The following CCNF variants were observed in gnomAD, a reference collection of about 807,000 sequenced individuals.
CCNF encodes cyclin F.
A neutral mutation model predicts 85.4 loss-of-function variants in CCNF; 30 were observed. The ratio of observed to expected loss-of-function variants is 0.35; its 90% CI spans 0.26 to 0.48. CCNF has a LOEUF of 0.48. Ranked by LOEUF, CCNF falls within the 20% of genes least tolerant of loss-of-function variation. The pLI, the probability that CCNF is intolerant of heterozygous loss-of-function variation, is 0.99. For missense variants in CCNF, 919 were observed against 1,010.4 expected (o/e 0.91, Z 1.23); for synonymous variants, 439 against 425.1 (o/e 1.03, Z -0.40).
chr16:2,453,219 T>TGAC lies in CCNF; in HGVS notation c.1499_1501dup (p.Asp500dup), dbSNP rs1185169837. The TGAC allele has an allele frequency of 1.9e-6, 3 of 1,613,708 alleles. No homozygotes were observed. The highest frequency in any genetic ancestry group is 3.3e-5 in the Admixed American group (2 of 60,016). Reference sequence around the variant, plus strand: ...GTGACTCTGTTTCCAGCTTCCATGATGACGCCCCCAAGGACTACAGGCAAG... The same window carrying TGAC: ...GTGACTCTGTTTCCAGCTTCCATGATGACGACGCCCCCAAGGACTACAGGCAAG... On this transcript the variant is annotated inframe_insertion, in exon 14 of 17. Transcript: ENST00000397066. The surrounding 1 kb of genome is among the most constrained non-coding windows in gnomAD (Gnocchi z 5.6).
At chr16:2,432,841 A>G (rs1012083652) in intron 2 of CCNF, 120 bp from the exon 3 acceptor site, 4 of 582,068 alleles carry the variant, frequency 6.9e-6, no homozygotes, top group Non-Finnish European at 1.2e-5. Flanking sequence ...GACCTCAACT[A>G]CTTGGGATGG....
At chr16:2,449,159 G>T in intron 11 of CCNF, 123 bp from the exon 12 acceptor site, 1 of 1,439,272 alleles carries the variant, frequency 6.9e-7, no homozygotes, top group Non-Finnish European at 9.8e-7. Flanking sequence ...CTGCGCTGGT[G>T]CGCTACGCGT....
intron 3 of CCNF, 152 bp downstream of exon 3, chr16:2,433,219 G>C: frequency 1.7e-6 from 1 of 584,050 alleles, no homozygotes; most frequent in Non-Finnish European, 3.1e-6. Flanking sequence ...GAGGGTGGCA[G>C]ACCTCACGCA....
At position 2,456,650 on chromosome 16, in the gene CCNF, G is replaced by T; in HGVS notation, c.1991G>T (p.Gly664Val). The T allele has an allele frequency of 1.2e-6, 2 of 1,613,148 alleles. No homozygotes were observed. The highest frequency in any genetic ancestry group is 3.3e-5 in the Admixed American group (2 of 59,934). The change falls in exon 17 of 17, where the codon GGA (glycine) becomes GTA (valine). Residue 664 changes from glycine to valine, a missense_variant. This residue lies in a region of CCNF where 505 missense variants were observed against 514.8 expected (regional missense o/e 0.98). Coordinates refer to ENST00000397066, the MANE Select transcript of CCNF (RefSeq NM_001761.3). The surrounding 1 kb of genome is among the most constrained non-coding windows in gnomAD (Gnocchi z 4.5). ...SDEEACPEDK[G>V]PQDPQALALD... Reference sequence around the variant, plus strand: ...GAGGAGGCTTGTCCAGAGGACAAGGGACCCCAGGACCCACAGGCACTGGCG... The same window carrying T: ...GAGGAGGCTTGTCCAGAGGACAAGGTACCCCAGGACCCACAGGCACTGGCG...
At chr16:2,441,963 A>G in intron 8 of CCNF, among the ~76,000 whole-genome samples, 2 of 127,550 alleles carry the variant, frequency 1.6e-5, no homozygotes, top group African/African-American at 6.1e-5. Context: ...ATATATATAT[A>G]TATATATATA....
rs2065433616 is a variant in CCNF at position 2,457,074 on chromosome 16, G to T, written c.*54G>T. The T allele has an allele frequency of 3.7e-6, 5 of 1,336,858 alleles. No homozygotes were observed. The highest frequency in any genetic ancestry group is 5.1e-6 in the Non-Finnish European group (5 of 971,142). The allele number at this position is 1,336,858 out of a possible 1,614,324, so 82.8% of individuals were successfully genotyped here. A position where few individuals can be genotyped will look rare whatever the true frequency, so the allele number is the denominator to read the frequency against. ...GTGTACTGAGGGGGCTGGAGGCGAA[G>T]GGTGGGAGCATAGCATAGGAACGCT... On this transcript the variant is annotated 3_prime_UTR_variant, in exon 17 of 17. Coordinates refer to ENST00000397066, the MANE Select transcript of CCNF (RefSeq NM_001761.3).
intron 15 of CCNF, among the ~76,000 whole-genome samples, chr16:2,454,606 G>T (rs977103492): frequency 6.6e-6 from 1 of 152,242 alleles, no homozygotes; most frequent in Admixed American, 6.5e-5. Context: ...CTCAGCTGGT[G>T]TGGCGGCTTT....
chr16:2,438,249 A>C, intron 6 of CCNF, 126 bp downstream of exon 6: 2 of 785,590 alleles, frequency 2.5e-6, no homozygotes, highest in Non-Finnish European at 4.5e-6. Context: ...TTGCCCAGAA[A>C]GGCCTAGCTG....
rs765151794 is a variant in CCNF at position 2,449,875 on chromosome 16, G to A, written c.1447G>A (p.Glu483Lys). ...GTGGGACCTCACCGGATTCTCCTAT[G>A]AAGACCTCATTCCCTGCGTCTTGAG... is the stretch of plus-strand genomic sequence containing the variant. Reference protein sequence around the residue: ...QLWDLTGFSYEDLIPCVLSLH... With the variant: ...QLWDLTGFSYKDLIPCVLSLH... The change falls in exon 13 of 17, where the codon GAA becomes AAA. Residue 483 changes from glutamate to lysine, a missense_variant. Glu to Lys is a moderately conservative substitution (Grantham distance 56). Transcript: ENST00000397066. 9 of 1,600,932 alleles carry A rather than the reference G, an allele frequency of 5.6e-6. No individual in the cohort carries two copies. The East Asian group carries it at 2.1e-4, about 36-fold the overall frequency.
At chr16:2,432,053 A>G (rs2065265651) in intron 2 of CCNF, among the ~76,000 whole-genome samples, 1 of 151,980 alleles carries the variant, frequency 6.6e-6, no homozygotes, top group African/African-American at 2.4e-5. Flanking sequence ...GATGGTCTCT[A>G]TCTCTTGACC....
chr16:2,432,625 C>T lies in CCNF; in HGVS notation c.172-336C>T, dbSNP rs554202140. ...AGCGGGGAAGCACAAAACACATTTC[C>T]GTCCTGCCTGCCCCCTTTTAGAGTG... On this transcript the variant is annotated intron_variant, in intron 2 of 16. Transcript: ENST00000397066. Among the ~76,000 whole-genome samples, 8 of 152,268 alleles carry T rather than the reference C, an allele frequency of 5.3e-5. No individual in the cohort carries two copies. In the South Asian group the frequency reaches 8.3e-4, roughly 16 times the overall value.
intron 10 of CCNF, among the ~76,000 whole-genome samples, chr16:2,447,067 C>T (rs763246948): frequency 3.3e-5 from 5 of 152,138 alleles, no homozygotes; most frequent in Non-Finnish European, 7.4e-5. Context: ...CTGAGGAGGT[C>T]GGGCGGCCGC....
chr16:2,443,936 T>G (rs1013151126), intron 9 of CCNF, 136 bp downstream of exon 9: 1 of 737,256 alleles, frequency 1.4e-6, no homozygotes. Context: ...TTTTTTTTTT[T>G]TGAAGTGGAG....
rs368201621 is a variant in CCNF, at chr16:2,451,252, G to T, written c.1487+1337G>T. ...CGGGGCAGGTGGCGCGGGCGGGGGC[G>T]ACTCCCTTCAGGGAGCGTAGCCGGG... On this transcript the variant is annotated intron_variant, in intron 13 of 16. Coordinates refer to ENST00000397066, the MANE Select transcript of CCNF (RefSeq NM_001761.3). The surrounding 1 kb of genome is among the most constrained non-coding windows in gnomAD (Gnocchi z 4.3). 6.6e-6 allele frequency among the ~76,000 whole-genome samples: 1 copy of T among 152,206 alleles called. No individual in the cohort carries two copies. The highest frequency in any genetic ancestry group is 2.4e-5 in the African/African-American group (1 of 41,446).
chr16:2,432,638 C>T (rs1735004966), intron 2 of CCNF, among the ~76,000 whole-genome samples: 1 of 152,158 alleles, frequency 6.6e-6, no homozygotes, highest in African/African-American at 2.4e-5. Flanking sequence ...CCTGCCTGCC[C>T]CCTTTTAGAG....
chr16:2,433,546 G>T (rs1008163901), intron 3 of CCNF, among the ~76,000 whole-genome samples: 1 of 152,156 alleles, frequency 6.6e-6, no homozygotes, highest in African/African-American at 2.4e-5. Context: ...CAGCTCAGGC[G>T]GGGATTTTTC....
rs752068020 is a variant in CCNF at position 2,453,848 on chromosome 16, C to T, written c.1715+311C>T. ...TCTAGCCCTGCCCGTGCCTGTCATG[C>T]GCGTCCTGGACTTCTCTGCTCCATG... On this transcript the variant is annotated intron_variant, in intron 15 of 16. Coordinates refer to ENST00000397066, the MANE Select transcript of CCNF (RefSeq NM_001761.3). This position sits in a 1 kb window ranked among gnomAD's most constrained non-coding sequence, Gnocchi z 5.6. Among the ~76,000 whole-genome samples, 14 of 152,320 alleles carry T rather than the reference C, an allele frequency of 9.2e-5. No homozygotes were observed. Among genetic ancestry groups the T allele is most frequent in the South Asian group, 4.1e-4 (2 of 4,830 alleles).
chr16:2,445,730 T>TTG (rs1555497789), intron 10 of CCNF, 108 bp downstream of exon 10: 27 of 839,184 alleles, frequency 3.2e-5, no homozygotes, highest in African/African-American at 3.0e-4. Flanking sequence ...TTTTGTGTTG[T>TTG]TTTTTTTTTT....
At chr16:2,449,189 C>T in intron 11 of CCNF, 93 bp from the exon 12 acceptor site, 3 of 1,513,338 alleles carry the variant, frequency 2.0e-6, no homozygotes, top group Non-Finnish European at 2.8e-6. Flanking sequence ...GCGTGAACAT[C>T]ATCCGGGCCA....
Sources: allele counts gnomAD v4.1 joint callset (sites outside exome capture counted in the v4.1 genomes callset), GRCh38; gene constraint gnomAD v4.1.1; regional missense constraint gnomAD v4.1.1; non-coding constraint Gnocchi (gnomAD v3.1); transcripts MANE v1.5; gene names NCBI Gene and HGNC (gene_info 2026-07-23, HGNC 2026-07-21).